Variants in MAST4 observed in about 807,000 individuals in gnomAD.
The protein encoded by MAST4 is microtubule-associated serine/threonine-protein kinase 4.
Under a neutral mutation model 162.7 loss-of-function variants are expected in MAST4, and 89 were observed. The observed-to-expected ratio is 0.55, with a 90% CI of 0.46 to 0.65. The LOEUF (loss-of-function observed/expected upper bound fraction) is 0.65, where lower values mean the gene tolerates loss of function less well. Ranked by LOEUF, MAST4 falls within the 30% of genes least tolerant of loss-of-function variation. The pLI is 0.00. For missense variants in MAST4, 3,153 were observed against 3,374.0 expected (o/e 0.93, Z 1.62); for synonymous variants, 1,479 against 1,361.1 (o/e 1.09, Z -1.91).
intron 27 of MAST4, 62 bp from the exon 28 acceptor site, chr5:67,162,545 T>G: frequency 2.0e-6 from 3 of 1,492,444 alleles, no homozygotes; most frequent in African/African-American, 1.4e-5. Context: ...CACAATGGTA[T>G]TTTGGGGAGG....
At chr5:66,667,361 A>G (rs1050947793) in intron 1 of MAST4, among the ~76,000 whole-genome samples, 6 of 152,188 alleles carry the variant, frequency 3.9e-5, no homozygotes, top group African/African-American at 9.7e-5. Context: ...GGTTATACTT[A>G]ATACACTACT....
At chr5:66,707,467 A>G (rs752695900) in intron 1 of MAST4, among the ~76,000 whole-genome samples, 2 of 152,200 alleles carry the variant, frequency 1.3e-5, no homozygotes, top group African/African-American at 2.4e-5. Flanking sequence ...GAATTTTCTC[A>G]TAGTTCTGGA....
chr5:67,050,532 T>TAAG (rs1158476541), intron 4 of MAST4, among the ~76,000 whole-genome samples: 1 of 152,206 alleles, frequency 6.6e-6, no homozygotes, highest in East Asian at 1.9e-4. Context: ...CAAGGTGCAT[T>TAAG]TCTTGTGCTC....
intron 1 of MAST4, among the ~76,000 whole-genome samples, chr5:66,651,101 C>G (rs1481727076): frequency 1.3e-5 from 2 of 152,112 alleles, no homozygotes; most frequent in Non-Finnish European, 2.9e-5. Context: ...GCACTTAATC[C>G]CATCTTTGAA....
At chr5:66,855,839 G>A (rs1177624316) in intron 3 of MAST4, among the ~76,000 whole-genome samples, 1 of 152,044 alleles carries the variant, frequency 6.6e-6, no homozygotes, top group Non-Finnish European at 1.5e-5. Flanking sequence ...GAATGCCTGG[G>A]GCAGAAGAAG....
At chr5:67,153,615 A>C in intron 26 of MAST4, 35 bp downstream of exon 26, 1 of 1,534,478 alleles carries the variant, frequency 6.5e-7, no homozygotes, top group Non-Finnish European at 8.8e-7. Context: ...CATGCTGATG[A>C]GACAGGCAGC....
chr5:67,088,973 G>C (rs529949412), intron 5 of MAST4, among the ~76,000 whole-genome samples: 1 of 152,262 alleles, frequency 6.6e-6, no homozygotes, highest in African/African-American at 2.4e-5. Context: ...TATTCTTTCT[G>C]CACACTGGTA....
intron 3 of MAST4, among the ~76,000 whole-genome samples, chr5:66,852,698 C>T (rs1385137228): frequency 2.0e-5 from 3 of 152,178 alleles, no homozygotes; most frequent in African/African-American, 7.2e-5. Flanking sequence ...ACAGATAAAT[C>T]TTTTGTATAG....
intron 4 of MAST4, among the ~76,000 whole-genome samples, chr5:66,951,047 A>C (rs537943045): frequency 3.9e-5 from 6 of 152,170 alleles, no homozygotes; most frequent in African/African-American, 1.4e-4. Context: ...CCATTTTACT[A>C]TTGATAAGCA....
intron 3 of MAST4, among the ~76,000 whole-genome samples, chr5:66,836,210 T>C (rs1483919055): frequency 6.6e-6 from 1 of 151,782 alleles, no homozygotes; most frequent in African/African-American, 2.4e-5. Flanking sequence ...TATTTAATGA[T>C]ATGGGGAAAA....
At chr5:66,871,308 A>G (rs973572139) in intron 3 of MAST4, among the ~76,000 whole-genome samples, 1 of 152,224 alleles carries the variant, frequency 6.6e-6, no homozygotes, top group African/African-American at 2.4e-5. Flanking sequence ...CTTGTTTTCA[A>G]TGTAATATAT....
intron 3 of MAST4, among the ~76,000 whole-genome samples, chr5:66,887,886 C>A (rs1295525877): frequency 6.6e-6 from 1 of 152,072 alleles, no homozygotes; most frequent in Non-Finnish European, 1.5e-5. Flanking sequence ...GTTCTCAATT[C>A]CTGCATACTT....
chr5:66,945,312 A>C (rs1743890168), intron 4 of MAST4, among the ~76,000 whole-genome samples: 1 of 152,228 alleles, frequency 6.6e-6, no homozygotes, highest in South Asian at 2.1e-4. Flanking sequence ...TAAGCAGTTA[A>C]AGTTTCAAAT....
chr5:66,959,013 C>G (rs935738176), intron 4 of MAST4: 8 of 476,088 alleles, frequency 1.7e-5, no homozygotes, highest in Non-Finnish European at 3.0e-5. Flanking sequence ...CTGCAAGCCT[C>G]GTTCCTTTAA....
chr5:66,837,249 G>A lies in MAST4; in HGVS notation c.642+48455G>A, dbSNP rs539728870. ...TATGGAAAGCTTAAAAATATGTATT[G>A]TAGTTAACGTTGAGAACGTATTTTC... On this transcript the variant is annotated intron_variant, in intron 3 of 28. Coordinates refer to ENST00000403625, the MANE Select transcript of MAST4 (RefSeq NM_001164664.2). Among the ~76,000 whole-genome samples, 13 of 152,162 alleles carry A rather than the reference G, an allele frequency of 8.5e-5. No homozygotes were observed. The South Asian group carries it at 2.1e-3, about 24-fold the overall frequency.
At chr5:66,977,257 C>T (rs913320463) in intron 4 of MAST4, among the ~76,000 whole-genome samples, 14 of 152,144 alleles carry the variant, frequency 9.2e-5, no homozygotes, top group Admixed American at 3.3e-4. Context: ...TGCGCCACCA[C>T]GCCTGGCTAA....
At chr5:66,799,860 G>C (rs748341329) in intron 3 of MAST4, among the ~76,000 whole-genome samples, 33 of 152,174 alleles carry the variant, frequency 2.2e-4, no homozygotes, top group Non-Finnish European at 4.4e-4. Flanking sequence ...CCTTGACCAA[G>C]GAACATAACC....
chr5:66,978,118 A>G (rs1748364143), intron 4 of MAST4, among the ~76,000 whole-genome samples: 1 of 152,256 alleles, frequency 6.6e-6, no homozygotes, highest in South Asian at 2.1e-4. Context: ...GTGAATGAAC[A>G]TGAAAGAAGA....
At chr5:66,761,787 C>G (rs1037480173) in intron 2 of MAST4, among the ~76,000 whole-genome samples, 3 of 152,112 alleles carry the variant, frequency 2.0e-5, no homozygotes, top group Middle Eastern at 3.2e-3. Context: ...TGATGCTCTT[C>G]TAATGCTTGT....
Sources: allele counts gnomAD v4.1 joint callset (sites outside exome capture counted in the v4.1 genomes callset), GRCh38; gene constraint gnomAD v4.1.1; transcripts MANE v1.5; gene names NCBI Gene and HGNC (gene_info 2026-07-23, HGNC 2026-07-21).